Variants in E2F2 observed in about 807,000 individuals in gnomAD.
E2F2 encodes the protein E2F transcription factor 2, also known as transcription factor E2F2.
E2F2 carries 22 observed loss-of-function variants against 42.2 expected under a neutral mutation model. That is an observed-to-expected ratio of 0.52 (90% CI 0.37 to 0.74). The LOEUF (loss-of-function observed/expected upper bound fraction) is 0.74, where lower values mean the gene tolerates loss of function less well. E2F2 is among the 30% of genes least tolerant of loss of function. The pLI is 0.00. For synonymous variants in E2F2, 248 were observed against 251.6 expected (o/e 0.99, Z 0.13); for missense variants, 481 against 557.8 (o/e 0.86, Z 1.39).
intron 2 of E2F2, 39 bp from the exon 3 acceptor site, chr1:23,522,095 G>A (rs1260695606): frequency 2.5e-6 from 4 of 1,597,106 alleles, no homozygotes; most frequent in Non-Finnish European, 2.6e-6. Context: ...TCAGGGAGGG[G>A]AGGGCCCGCC....
rs1439273091 is a variant in E2F2 at position 23,530,243 on chromosome 1, C to A, written c.252+299G>T. On this transcript the variant is annotated intron_variant, in intron 1 of 6. Coordinates refer to ENST00000361729, the MANE Select transcript of E2F2 (RefSeq NM_004091.4). The surrounding 1 kb of genome is among the most constrained non-coding windows in gnomAD (Gnocchi z 4.4). The stretch of plus-strand genomic sequence containing the variant: ...GAATGAATGGCGGCAACGCTGGCTG[C>A]ATGGACTTCCCCAAGGTCACACAGT... 6.6e-6 allele frequency among the ~76,000 whole-genome samples: 1 copy of A among 152,246 alleles called. No homozygotes were observed. Among genetic ancestry groups the A allele is most frequent in the Admixed American group, 6.5e-5 (1 of 15,288 alleles).
chr1:23,517,924 C>T (rs978386692), intron 5 of E2F2, among the ~76,000 whole-genome samples: 1 of 152,206 alleles, frequency 6.6e-6, no homozygotes, highest in African/African-American at 2.4e-5. Flanking sequence ...AATCCCAGCA[C>T]TTTGGGAGGC....
At chr1:23,522,130 G>T (rs1362342681) in intron 2 of E2F2, 74 bp from the exon 3 acceptor site, 5 of 1,396,876 alleles carry the variant, frequency 3.6e-6, no homozygotes, top group Non-Finnish European at 4.9e-6. Context: ...ATTGACCTAG[G>T]CTCATTAAGT....
intron 6 of E2F2, among the ~76,000 whole-genome samples, chr1:23,515,087 G>C (rs1328565516): frequency 1.3e-5 from 2 of 152,164 alleles, no homozygotes; most frequent in Non-Finnish European, 1.5e-5. Flanking sequence ...CATCAGCCCA[G>C]CTCTACCTCT....
chr1:23,517,053 A>G (rs536300565), intron 5 of E2F2, among the ~76,000 whole-genome samples: 2 of 152,258 alleles, frequency 1.3e-5, no homozygotes, highest in East Asian at 3.9e-4. Context: ...CAGCACAGAG[A>G]AAAGCAGAGA....
chr1:23,514,251 G>A (rs1337310562), intron 6 of E2F2, among the ~76,000 whole-genome samples: 2 of 152,216 alleles, frequency 1.3e-5, no homozygotes, highest in African/African-American at 4.8e-5. Flanking sequence ...GCTGACACTT[G>A]AGTGAGGAGG....
In E2F2 at chr1:23,520,540, T is replaced by C. The variant is rs141682219; in HGVS notation, c.737+373A>G. ...AGGAGGATCGACTGAAGCCAAGAGT[T>C]AGAGACCAGCCTGGGCAACAAAGCG... On this transcript the variant is annotated intron_variant, in intron 4 of 6. Transcript: ENST00000361729. 3.8e-4 allele frequency among the ~76,000 whole-genome samples: 58 copies of C among 152,108 alleles called. No homozygotes were observed. The East Asian group carries it at 0.011, about 29-fold the overall frequency.
At position 23,530,782 on chromosome 1, in the gene E2F2, C is replaced by T. The variant is rs1257167427; in HGVS notation, c.12G>A (p.Gly4=). Residue 4 remains glycine (G), a synonymous_variant, in exon 1 of 7, where the codon GGG becomes GGA. Transcript: ENST00000361729. The surrounding 1 kb of genome is among the most constrained non-coding windows in gnomAD (Gnocchi z 4.4). ...CAGCGGCCGAAGCCAAGGCCCGGGG[C>T]CCTTGCAGCATAGCGAGTAAGGCGC... MLQ[G]PRALASAAGQ... is the part of the protein sequence containing the mutation. 6.5e-7 allele frequency: 1 copy of T among 1,543,164 alleles called. No individual in the cohort carries two copies. Among genetic ancestry groups the T allele is most frequent in the South Asian group, 1.2e-5 (1 of 85,516 alleles).
At chr1:23,524,098 C>CAAAAAAAAAAA (rs1243545997) in intron 2 of E2F2, among the ~76,000 whole-genome samples, 1 of 128,636 alleles carries the variant, frequency 7.8e-6, no homozygotes, top group African/African-American at 3.2e-5. Flanking sequence ...ACAACAACAA[C>CAAAAAAAAAAA]AACAACAAAA....
chr1:23,530,494 C>A lies in E2F2; in HGVS notation c.252+48G>T. Reference sequence around the variant, plus strand: ...TCTCAGGCACCCCTCCCTCCTTTCCCACACCTGGAAAAGCATAGGGGGAAG... The same window carrying A: ...TCTCAGGCACCCCTCCCTCCTTTCCAACACCTGGAAAAGCATAGGGGGAAG... On this transcript the variant is annotated intron_variant, in intron 1 of 6. Transcript: ENST00000361729. The surrounding 1 kb of genome is among the most constrained non-coding windows in gnomAD (Gnocchi z 4.4). 6.3e-7 allele frequency: 1 copy of A among 1,599,844 alleles called. No homozygotes were observed. The highest frequency in any genetic ancestry group is 1.1e-5 in the South Asian group (1 of 89,980).
chr1:23,530,395 G>A lies in E2F2; in HGVS notation c.252+147C>T. 9.3e-7 allele frequency: 1 copy of A among 1,079,836 alleles called. No homozygotes were observed. Among genetic ancestry groups the A allele is most frequent in the South Asian group, 1.6e-5 (1 of 61,018 alleles). 66.9% of individuals were successfully genotyped at this position (1,079,836 alleles called of 1,614,324 possible). On this transcript the variant is annotated intron_variant, in intron 1 of 6. Coordinates refer to ENST00000361729, the MANE Select transcript of E2F2 (RefSeq NM_004091.4). This position sits in a 1 kb window ranked among gnomAD's most constrained non-coding sequence, Gnocchi z 4.4. ...GAAGGGGTCTTCTACTCAGATATTG[G>A]GGGCACTGGGTCCTGGAAACTGAAA...
chr1:23,526,557 C>A (rs1427691774), intron 1 of E2F2, among the ~76,000 whole-genome samples: 2 of 152,138 alleles, frequency 1.3e-5, no homozygotes, highest in East Asian at 3.8e-4. Context: ...GAAAGAATCC[C>A]AGGAAGACCT....
At chr1:23,511,182 T>C (rs1570452987) in intron 6 of E2F2, among the ~76,000 whole-genome samples, 1 of 152,054 alleles carries the variant, frequency 6.6e-6, no homozygotes, top group East Asian at 1.9e-4. Flanking sequence ...CTTCATCTTA[T>C]TTGACCTTTC....
intron 5 of E2F2, among the ~76,000 whole-genome samples, chr1:23,517,744 T>C (rs1349829904): frequency 6.6e-6 from 1 of 152,152 alleles, no homozygotes; most frequent in Non-Finnish European, 1.5e-5. Flanking sequence ...GCACAGGTGT[T>C]TATGAAGTCT....
At position 23,530,820 on chromosome 1, in the gene E2F2, A is replaced by T. The variant is rs1643328873; in HGVS notation, c.-27T>A. 1 of 1,465,190 alleles carries T rather than the reference A, an allele frequency of 6.8e-7. No individual in the cohort carries two copies. Among genetic ancestry groups the T allele is most frequent in the Non-Finnish European group, 9.0e-7 (1 of 1,105,710 alleles). 90.8% of individuals were successfully genotyped at this position (1,465,190 alleles called of 1,614,324 possible). ...GCGAGTAAGGCGCCCCCTACCCAAA[A>T]GGGCTTGGCGCGCCCGCGGACACCT... On this transcript the variant is annotated 5_prime_UTR_variant, in exon 1 of 7. Transcript: ENST00000361729. The surrounding 1 kb of genome is among the most constrained non-coding windows in gnomAD (Gnocchi z 4.4).
chr1:23,531,124 C>T lies in E2F2; in HGVS notation c.-331G>A, dbSNP rs1032473069. 13 of 292,378 alleles carry T rather than the reference C, an allele frequency of 4.4e-5. No homozygotes were observed. Among genetic ancestry groups the T allele is most frequent in the African/African-American group, 2.8e-4 (13 of 46,088 alleles). The allele number at this position is 292,378 out of a possible 1,614,324, so 18.1% of individuals were successfully genotyped here. ...GTCCGGCCGGCTCTGGGGAGGGGTCCCCGGCGTGCCCTCAAGCTCGGCGGA... is the reference window on the plus strand; with the variant it reads ...GTCCGGCCGGCTCTGGGGAGGGGTCTCCGGCGTGCCCTCAAGCTCGGCGGA... On this transcript the variant is annotated 5_prime_UTR_variant, in exon 1 of 7. Coordinates refer to ENST00000361729, the MANE Select transcript of E2F2 (RefSeq NM_004091.4).
At chr1:23,519,903 C>T (rs375604586) in intron 4 of E2F2, among the ~76,000 whole-genome samples, 3 of 152,096 alleles carry the variant, frequency 2.0e-5, no homozygotes, top group African/African-American at 7.2e-5. Flanking sequence ...CATGGTGAAA[C>T]CCCGTCTCTA....
At position 23,518,977 on chromosome 1, in the gene E2F2, G is replaced by A. The variant is rs201437543; in HGVS notation, c.852+39C>T. ...GCCGCCTGGAACGCTCCCTGGCAGG[G>A]TCTCAACCCTGCTCTCCACCAAATA... On this transcript the variant is annotated intron_variant, in intron 5 of 6. Transcript: ENST00000361729. 1.1e-3 allele frequency: 1,796 copies of A among 1,566,762 alleles called. 3 individuals are homozygous for A. Among genetic ancestry groups the A allele is most frequent in the Non-Finnish European group, 1.5e-3 (1,672 of 1,140,092 alleles).
chr1:23,525,911 A>G (rs1271820451), intron 1 of E2F2, among the ~76,000 whole-genome samples: 1 of 152,138 alleles, frequency 6.6e-6, no homozygotes, highest in Non-Finnish European at 1.5e-5. Context: ...TGGTGAGGTC[A>G]TGCTCAGCAG....
Sources: gnomAD v4.1 joint callset for allele counts (sites outside exome capture counted in the v4.1 genomes callset) on GRCh38, gnomAD v4.1.1 for gene constraint, Gnocchi (gnomAD v3.1) non-coding constraint, MANE v1.5 for transcripts, NCBI Gene and HGNC (gene_info 2026-07-23, HGNC 2026-07-21) for gene names.